Variants in ZFR2 observed in about 807,000 individuals in gnomAD.
ZFR2 encodes zinc finger RNA-binding protein 2.
In ZFR2, 104 loss-of-function variants were observed where a neutral mutation model predicts 105.7. The ratio of observed to expected loss-of-function variants is 0.98; its 90% CI spans 0.84 to 1.16. The LOEUF (loss-of-function observed/expected upper bound fraction) is 1.16. Among genes scored for constraint, ZFR2 ranks in the 50% most tolerant of loss-of-function variants. ZFR2 has a pLI of 0.00. For missense variants in ZFR2, 1,425 were observed against 1,355.5 expected (o/e 1.05, Z -0.80); for synonymous variants, 634 against 597.7 (o/e 1.06, Z -0.89).
In ZFR2 at chr19:3,822,303, TTTTA is replaced by T. The variant is rs550155190; in HGVS notation, c.1372-107_1372-104del. The T allele has an allele frequency of 2.8e-3, 4,161 of 1,497,634 alleles. 9 individuals are homozygous for T. The highest frequency in any genetic ancestry group is 3.4e-3 in the Non-Finnish European group (3,783 of 1,111,386). 92.8% of individuals were successfully genotyped at this position (1,497,634 alleles called of 1,614,324 possible). ...GCGGAGCCTTCCTCCTTGCTGCTCA[TTTTA>T]TTTATGTATGTCTTTTTAGAGACAG... On this transcript the variant is annotated intron_variant, in intron 8 of 18. Transcript: ENST00000262961.
intron 1 of ZFR2, among the ~76,000 whole-genome samples, chr19:3,865,590 T>TC (rs1599261427): frequency 6.6e-6 from 1 of 152,234 alleles, no homozygotes; most frequent in East Asian, 1.9e-4. Context: ...ACTCCTGGGC[T>TC]CAAGTGATCC....
Position 3,806,548 on chromosome 19 carries a change from C to A in ZFR2, c.2644-423G>T, listed in dbSNP as rs572736066. On this transcript the variant is annotated intron_variant, in intron 18 of 18. Coordinates refer to ENST00000262961, the MANE Select transcript of ZFR2 (RefSeq NM_015174.2). The stretch of plus-strand genomic sequence containing the variant: ...GTGCTGGGATGACAGGCGTGAGCCA[C>A]CCGGCCCGGCCGACACCGCTTCTTA... Among the ~76,000 whole-genome samples, 781 of 152,346 alleles carry A rather than the reference C, an allele frequency of 5.1e-3. 7 individuals carry two copies. Among genetic ancestry groups the A allele is most frequent in the Middle Eastern group, 0.024 (7 of 294 alleles).
At position 3,863,926 on chromosome 19, in the gene ZFR2, G is replaced by C. The variant is rs538764665; in HGVS notation, c.53+5039C>G. ...ACAACACCTACCCCAAGGATCACGT[G>C]AGGGCTCAGTCAGTATCAGGTGCCC... On this transcript the variant is annotated intron_variant, in intron 1 of 18. Coordinates refer to ENST00000262961, the MANE Select transcript of ZFR2 (RefSeq NM_015174.2). Among the ~76,000 whole-genome samples, 313 of 152,244 alleles carry C rather than the reference G, an allele frequency of 2.1e-3. 2 individuals are homozygous for C. The highest frequency in any genetic ancestry group is 6.9e-3 in the African/African-American group (285 of 41,546).
In ZFR2 at chr19:3,810,767, C is replaced by A. The variant is rs566696286; in HGVS notation, c.2416G>T (p.Gly806Trp). 1.3e-6 allele frequency: 2 copies of A among 1,549,696 alleles called. No individual in the cohort carries two copies. Among genetic ancestry groups the A allele is most frequent in the Non-Finnish European group, 1.7e-6 (2 of 1,146,570 alleles). Residue 806 changes from glycine to tryptophan, a missense_variant, in exon 16 of 19, where the codon GGG becomes TGG. Coordinates refer to ENST00000262961, the MANE Select transcript of ZFR2 (RefSeq NM_015174.2). Reference protein sequence around the residue: ...RDLCRRVPTWGALPAWAMELL... With the variant: ...RDLCRRVPTWWALPAWAMELL... The stretch of plus-strand genomic sequence containing the variant: ...TGCCTTACCCAGGCTGGCAGGGCCC[C>A]CCAGGTGGGCACACGCCGGCAGAGG...
chr19:3,821,465 C>T lies in ZFR2; in HGVS notation c.1506G>A (p.Pro502=), dbSNP rs756287889. The change falls in exon 10 of 19, where the codon CCG becomes CCA. Residue 502 remains proline (P), a synonymous_variant. Coordinates refer to ENST00000262961, the MANE Select transcript of ZFR2 (RefSeq NM_015174.2). ...TGGGCTCCGTGGCAATGGGAAGGTC[C>T]GGGTTCACTTTCTTCTGGAAAGGAC... ...HRLQYRKKVN[P]DLPIATEPSS... is the part of the protein sequence containing the mutation. 84 of 1,604,100 alleles carry T rather than the reference C, an allele frequency of 5.2e-5. 1 individual carries two copies. In the Admixed American group the frequency reaches 8.1e-4, roughly 15 times the overall value.
At position 3,867,525 on chromosome 19, in the gene ZFR2, C is replaced by G. The variant is rs368379468; in HGVS notation, c.53+1440G>C. Among the ~76,000 whole-genome samples, 20 of 152,086 alleles carry G rather than the reference C, an allele frequency of 1.3e-4. No homozygotes were observed. The East Asian group carries it at 3.9e-3, about 29-fold the overall frequency. On this transcript the variant is annotated intron_variant, in intron 1 of 18. Coordinates refer to ENST00000262961, the MANE Select transcript of ZFR2 (RefSeq NM_015174.2). Reference sequence around the variant, plus strand: ...TGCCCCTGGCCAGTTCCCAGTGTGTCCCCATCCCCTGCCATCTCTCCTCCA... The same window carrying G: ...TGCCCCTGGCCAGTTCCCAGTGTGTGCCCATCCCCTGCCATCTCTCCTCCA...
At chr19:3,822,027 G>T (rs2145148322) in intron 9 of ZFR2, 54 bp downstream of exon 9, 1 of 1,528,950 alleles carries the variant, frequency 6.5e-7, no homozygotes, top group East Asian at 2.5e-5. Context: ...CCCAGCGCCC[G>T]CCGGGCCCTA....
chr19:3,852,843 G>A (rs897279230), intron 1 of ZFR2, among the ~76,000 whole-genome samples: 2 of 152,208 alleles, frequency 1.3e-5, no homozygotes, highest in Admixed American at 1.3e-4. Flanking sequence ...GAGACACTGG[G>A]TGATGTCTGA....
intron 1 of ZFR2, among the ~76,000 whole-genome samples, chr19:3,835,534 C>T (rs1378537251): frequency 1.3e-5 from 2 of 150,718 alleles, no homozygotes; most frequent in East Asian, 2.0e-4. Flanking sequence ...AGGATTTCAC[C>T]GTGTTAACTA....
chr19:3,830,917 G>T (rs1318779947), intron 5 of ZFR2, among the ~76,000 whole-genome samples: 1 of 151,488 alleles, frequency 6.6e-6, no homozygotes, highest in Non-Finnish European at 1.5e-5. Context: ...ACGGGCGCAT[G>T]CACACACATA....
intron 16 of ZFR2, among the ~76,000 whole-genome samples, chr19:3,809,576 C>G (rs1443534847): frequency 6.6e-6 from 1 of 152,184 alleles, no homozygotes; most frequent in Non-Finnish European, 1.5e-5. Flanking sequence ...GTCAGGACAG[C>G]CGCACACCGG....
In ZFR2 at chr19:3,833,633, G is replaced by T. The variant is rs187249358; in HGVS notation, c.379+31C>A. 4.6e-5 allele frequency: 70 copies of T among 1,507,144 alleles called. No homozygotes were observed. In the East Asian group the frequency reaches 1.7e-3, roughly 37 times the overall value. The allele number at this position is 1,507,144 out of a possible 1,614,324, so 93.4% of individuals were successfully genotyped here. A position where few individuals can be genotyped will look rare whatever the true frequency, so the allele number is the denominator to read the frequency against. The stretch of plus-strand genomic sequence containing the variant: ...CCTGTGCTGCGGGGAGCGTCTCCTC[G>T]TTCCCAGCCCCGACCCTGCAGATGG... On this transcript the variant is annotated intron_variant, in intron 3 of 18. Coordinates refer to ENST00000262961, the MANE Select transcript of ZFR2 (RefSeq NM_015174.2).
chr19:3,837,472 C>G, intron 1 of ZFR2, among the ~76,000 whole-genome samples: 1 of 150,610 alleles, frequency 6.6e-6, no homozygotes, highest in East Asian at 2.0e-4. Context: ...CTATGGGACA[C>G]TCAAACACCA....
chr19:3,806,206 T>C lies in ZFR2; in HGVS notation c.2644-81A>G, dbSNP rs2037695142. ...GGGGACACAGAGGGGCTGGTGTCTG[T>C]GGCCACCAGCAGATGGGCCAGGCCT... On this transcript the variant is annotated intron_variant, in intron 18 of 18. Transcript: ENST00000262961. 4.4e-6 allele frequency: 6 copies of C among 1,366,292 alleles called. No homozygotes were observed. The African/African-American group carries it at 4.6e-5, about 10-fold the overall frequency. 84.6% of individuals were successfully genotyped at this position (1,366,292 alleles called of 1,614,324 possible).
At chr19:3,846,279 T>C (rs911334213) in intron 1 of ZFR2, among the ~76,000 whole-genome samples, 4 of 152,196 alleles carry the variant, frequency 2.6e-5, no homozygotes, top group African/African-American at 4.8e-5. Flanking sequence ...ACCTGGCCCA[T>C]TTTTCCAAAT....
Position 3,866,628 on chromosome 19 carries a change from T to C in ZFR2, c.53+2337A>G, listed in dbSNP as rs548764465. Among the ~76,000 whole-genome samples the C allele has an allele frequency of 6.8e-4, 103 of 152,262 alleles. 4 individuals are homozygous for C. The South Asian group carries it at 0.02, about 30-fold the overall frequency. ...TGGAAGGTAATTTTAATAGCAAGCATAATATTCAAGTGATTTTCCACGTCT... is the reference window on the plus strand; with the variant it reads ...TGGAAGGTAATTTTAATAGCAAGCACAATATTCAAGTGATTTTCCACGTCT... On this transcript the variant is annotated intron_variant, in intron 1 of 18. Coordinates refer to ENST00000262961, the MANE Select transcript of ZFR2 (RefSeq NM_015174.2).
In ZFR2 at chr19:3,819,048, C is replaced by T. The variant is rs1467064977; in HGVS notation, c.1928G>A (p.Arg643His). Residue 643 changes from arginine to histidine, a missense_variant, in exon 12 of 19, where the codon CGC becomes CAC. Physicochemically the swap from Arg to His is conservative, Grantham distance 29. Transcript: ENST00000262961. ...RGRREEEGDK[R>H]SSVAPQTRVL... Reference sequence around the variant, plus strand: ...GGGGAAGGGGATCTCCAATGACCTGCGCTTGTCACCCTCTTCCTCTCGGCG... The same window carrying T: ...GGGGAAGGGGATCTCCAATGACCTGTGCTTGTCACCCTCTTCCTCTCGGCG... 9.9e-6 allele frequency: 16 copies of T among 1,612,084 alleles called. No homozygotes were observed. The South Asian group carries it at 1.1e-4, about 11-fold the overall frequency.
rs569749290 is a variant in ZFR2, at chr19:3,822,743, G to A, written c.1371+503C>T. On this transcript the variant is annotated intron_variant, in intron 8 of 18. Transcript: ENST00000262961. ...AAAAGAATCCCAGGCCTACAGGCAA[G>A]GCAGAGGAAACCCAGCCCTGCCTCT... 3.3e-5 allele frequency among the ~76,000 whole-genome samples: 5 copies of A among 152,268 alleles called. No individual in the cohort carries two copies. In the South Asian group the frequency reaches 8.3e-4, roughly 25 times the overall value.
rs1326320129 is a variant in ZFR2, at chr19:3,821,403, C to T, written c.1568G>A (p.Arg523Lys). 8.7e-6 allele frequency: 14 copies of T among 1,611,750 alleles called. No homozygotes were observed. Among genetic ancestry groups the T allele is most frequent in the Non-Finnish European group, 1.2e-5 (14 of 1,179,444 alleles). Residue 523 changes from arginine (R) to lysine (K), a missense_variant, in exon 10 of 19, where the codon AGG becomes AAG. Transcript: ENST00000262961. ...RARKVLEERM[R>K]KQRHLAEERL... is the part of the protein sequence containing the mutation. ...CTCCTCCGCCAGGTGCCGCTGCTTC[C>T]TCATGCGCTCCTCCAGGACCTTCCG...
Sources: allele counts gnomAD v4.1 joint callset (sites outside exome capture counted in the v4.1 genomes callset), GRCh38; gene constraint gnomAD v4.1.1; transcripts MANE v1.5; gene names NCBI Gene and HGNC (gene_info 2026-07-23, HGNC 2026-07-21).